Variants in KDM5C observed in about 807,000 individuals in gnomAD.
The protein encoded by KDM5C is lysine demethylase 5C.
Under a neutral mutation model 110.6 loss-of-function variants are expected in KDM5C, and 16 were observed. The ratio of observed to expected loss-of-function variants is 0.14; its 90% CI spans 0.10 to 0.22. The LOEUF (loss-of-function observed/expected upper bound fraction) is 0.22. KDM5C is among the 10% of genes least tolerant of loss of function. The pLI is 1.00. For missense variants in KDM5C, 681 were observed against 1,300.9 expected (o/e 0.52, Z 7.33); for synonymous variants, 511 against 520.4 (o/e 0.98, Z 0.24).
Position 53,193,035 on chromosome X carries a change from G to T in KDM5C, c.4615C>A (p.Pro1539Thr). Residue 1539 changes from proline (P) to threonine (T), a missense_variant, in exon 26 of 26, where the codon CCT (proline) becomes ACT (threonine). Physicochemically the swap from Pro to Thr is conservative, Grantham distance 38. Coordinates refer to ENST00000375401, the MANE Select transcript of KDM5C (RefSeq NM_004187.5). ...AGCCGGGGAGTCAGAGTGGAGAAAG[G>T]GGCCGAGGGGCCTGAAGTGGTCCCT... Reference protein sequence around the residue: ...AEGTTSGPSAPFSTLTPRLHL... With the variant: ...AEGTTSGPSATFSTLTPRLHL... 8.3e-7 allele frequency: 1 copy of T among 1,197,731 alleles called. No individual in the cohort carries two copies. Among genetic ancestry groups the T allele is most frequent in the Non-Finnish European group, 1.1e-6 (1 of 888,273 alleles).
chrX:53,183,518 G>A (rs1180710406), intron 25 of KDM5C, among the ~76,000 whole-genome samples: 2 of 107,175 alleles, frequency 1.9e-5, no homozygotes, highest in Non-Finnish European at 3.8e-5. Flanking sequence ...GGCTATTCAC[G>A]GCCCCTTGTA....
intron 12 of KDM5C, among the ~76,000 whole-genome samples, chrX:53,209,022 G>A (rs1336489987): frequency 4.6e-5 from 5 of 108,260 alleles, no homozygotes; most frequent in South Asian, 4.0e-4. Flanking sequence ...TCACCGTGTC[G>A]GCCAAGCTGG....
intron 8 of KDM5C, 47 bp from the exon 9 acceptor site, chrX:53,211,953 G>A (rs782565662): frequency 8.3e-7 from 1 of 1,200,847 alleles, no homozygotes; most frequent in South Asian, 1.8e-5. Context: ...GCAAAGAGGT[G>A]AAGAATCCTC....
At chrX:53,219,208 C>T (rs1556853588) in intron 2 of KDM5C, among the ~76,000 whole-genome samples, 2 of 112,468 alleles carry the variant, frequency 1.8e-5, no homozygotes, top group Non-Finnish European at 3.8e-5. Context: ...ACTGCACAGT[C>T]CACTTACCCC....
At chrX:53,193,394 C>G in intron 25 of KDM5C, 43 bp downstream of exon 25, 1 of 1,211,745 alleles carries the variant, frequency 8.3e-7, no homozygotes, top group Non-Finnish European at 1.1e-6. Flanking sequence ...GGGCTCCCTA[C>G]TCGGCCTGAC....
At chrX:53,220,771 A>C in intron 2 of KDM5C, 68 bp downstream of exon 2, 1 of 901,703 alleles carries the variant, frequency 1.1e-6, no homozygotes, top group Non-Finnish European at 1.6e-6. Flanking sequence ...GAGAAACTAT[A>C]AGGGAAGTGG....
intron 4 of KDM5C, 28 bp downstream of exon 4, chrX:53,217,768 G>A (rs1556852732): frequency 1.7e-6 from 2 of 1,205,272 alleles, no homozygotes; most frequent in African/African-American, 1.7e-5. Context: ...GGGTAAAGCC[G>A]CACCCTGCCC....
intron 12 of KDM5C, among the ~76,000 whole-genome samples, chrX:53,203,267 T>TA (rs782352483): frequency 9.8e-4 from 110 of 111,821 alleles, no homozygotes; most frequent in Non-Finnish European, 1.8e-3. Context: ...CTCGAGCTTA[T>TA]AGGATTCTTC....
intron 1 of KDM5C, among the ~76,000 whole-genome samples, chrX:53,222,353 A>G (rs1399791286): frequency 9.9e-6 from 1 of 101,106 alleles, no homozygotes; most frequent in Non-Finnish European, 2.0e-5. Context: ...GGGCTCAGTA[A>G]GCAGGGACAA....
In KDM5C at chrX:53,217,671, T is replaced by C. The variant is rs1160119867; in HGVS notation, c.522+125A>G. The C allele has an allele frequency of 4.2e-6, 3 of 707,477 alleles. No homozygotes were observed. The African/African-American group carries it at 6.4e-5, about 15-fold the overall frequency. The allele number at this position is 707,477 out of a possible 1,213,427, so 58.3% of individuals were successfully genotyped here. On this transcript the variant is annotated intron_variant, in intron 4 of 25. Coordinates refer to ENST00000375401, the MANE Select transcript of KDM5C (RefSeq NM_004187.5). Reference sequence around the variant, plus strand: ...GAGCAGTGTAGAAAGAGAATAAGCATCACTAGGAAAGAGCAGAGTCCAACT... The same window carrying C: ...GAGCAGTGTAGAAAGAGAATAAGCACCACTAGGAAAGAGCAGAGTCCAACT...
chrX:53,222,483 G>C (rs1438479721), intron 1 of KDM5C, among the ~76,000 whole-genome samples: 3 of 110,439 alleles, frequency 2.7e-5, no homozygotes, highest in African/African-American at 9.9e-5. Context: ...CAGCTAAAAA[G>C]GTGCTCAAAC....
Position 53,193,001 on chromosome X carries a change from G to A in KDM5C, c.4649C>T (p.Pro1550Leu), listed in dbSNP as rs965433703. 2.6e-5 allele frequency: 31 copies of A among 1,181,892 alleles called. No homozygotes were observed. Among genetic ancestry groups the A allele is most frequent in the Non-Finnish European group, 3.5e-5 (31 of 880,359 alleles). The change falls in exon 26 of 26, where the codon CCC becomes CTC. Residue 1550 changes from proline to leucine, a missense_variant. Pro to Leu is a moderately conservative substitution (Grantham distance 98, BLOSUM62 -3). This residue lies in a region of KDM5C where 115 missense variants were observed against 120.9 expected (regional missense o/e 0.95). Transcript: ENST00000375401. ...FSTLTPRLHL[P>L]CPQQPPQQQL ...TTGCTGAGGCGGCTGCTGTGGGCAG[G>A]GCAGATGCAGCCGGGGAGTCAGAGT...
chrX:53,203,084 G>A (rs1048617273), intron 12 of KDM5C, among the ~76,000 whole-genome samples: 4 of 111,530 alleles, frequency 3.6e-5, no homozygotes, highest in Non-Finnish European at 5.7e-5. Context: ...GGGATTACAA[G>A]TGTGAGCCAC....
Position 53,199,082 on chromosome X carries a change from G to A in KDM5C, c.2138C>T (p.Thr713Met), listed in dbSNP as rs1064794733. Residue 713 changes from threonine (T) to methionine (M), a missense_variant, in exon 15 of 26, where the codon ACG (threonine) becomes ATG (methionine). Transcript: ENST00000375401. ...GCAGGCCAGGGCTGACAGGAAACAC[G>A]TAGTCTTGCACTTGATACACTGGCG... ...DERQCIKCKT[T>M]CFLSALACYD... is the part of the protein sequence containing the mutation. 1 of 1,211,980 alleles carries A rather than the reference G, an allele frequency of 8.3e-7. No homozygotes were observed.
At position 53,192,867 on chromosome X, in the gene KDM5C, C is replaced by CCCCA; in HGVS notation, c.*99_*100insTGGG. The CCCCA allele has an allele frequency of 2.4e-6, 2 of 821,401 alleles. No homozygotes were observed. Among genetic ancestry groups the CCCCA allele is most frequent in the South Asian group, 2.9e-5 (1 of 34,732 alleles). The allele number at this position is 821,401 out of a possible 1,213,427, so 67.7% of individuals were successfully genotyped here. Reference sequence around the variant, plus strand: ...GCGGGTAGCAGGGATGGCCACCCCCCTACCCGCCCACCCCCCAAGAAGCAG... The same window carrying CCCCA: ...GCGGGTAGCAGGGATGGCCACCCCCCCCCATACCCGCCCACCCCCCAAGAAGCAG... On this transcript the variant is annotated 3_prime_UTR_variant, in exon 26 of 26. Coordinates refer to ENST00000375401, the MANE Select transcript of KDM5C (RefSeq NM_004187.5).
At chrX:53,200,636 G>A (rs2073111157) in intron 14 of KDM5C, among the ~76,000 whole-genome samples, 1 of 111,813 alleles carries the variant, frequency 8.9e-6, no homozygotes, top group African/African-American at 3.3e-5. Flanking sequence ...TCTCCCTATA[G>A]CCCACACTCA....
In KDM5C at chrX:53,215,781, G is replaced by C. The variant is rs782334879; in HGVS notation, c.963+14C>G. 2.5e-6 allele frequency: 3 copies of C among 1,207,426 alleles called. No homozygotes were observed. The highest frequency in any genetic ancestry group is 3.5e-5 in the South Asian group (2 of 56,886). On this transcript the variant is annotated intron_variant, in intron 7 of 25. Transcript: ENST00000375401. Reference sequence around the variant, plus strand: ...AAGAAGCAGAGCATTAAGAAGTCAGGGCTGGGTCCTTACAAACTGGGCATT... The same window carrying C: ...AAGAAGCAGAGCATTAAGAAGTCAGCGCTGGGTCCTTACAAACTGGGCATT...
chrX:53,185,900 G>A (rs1556828031), intron 25 of KDM5C, among the ~76,000 whole-genome samples: 1 of 111,701 alleles, frequency 9.0e-6, no homozygotes, highest in Non-Finnish European at 1.9e-5. Context: ...ATGAAGGGGA[G>A]GGTCCATCTG....
intron 7 of KDM5C, 36 bp downstream of exon 7, chrX:53,215,759 A>G (rs377640034): frequency 1.7e-6 from 2 of 1,186,293 alleles, no homozygotes; most frequent in Non-Finnish European, 1.1e-6. Flanking sequence ...AAGGGACAAG[A>G]AGCAGAGCAT....
Sources: allele counts gnomAD v4.1 joint callset (sites outside exome capture counted in the v4.1 genomes callset), GRCh38; gene constraint gnomAD v4.1.1; regional missense constraint gnomAD v4.1.1; transcripts MANE v1.5; gene names NCBI Gene and HGNC (gene_info 2026-07-23, HGNC 2026-07-21).